Variants in SGCZ observed in about 807,000 individuals in gnomAD.
The protein encoded by SGCZ is zeta-sarcoglycan.
Under a neutral mutation model 41.3 loss-of-function variants are expected in SGCZ, and 40 were observed. That is an observed-to-expected ratio of 0.97 (90% CI 0.75 to 1.26). The LOEUF (loss-of-function observed/expected upper bound fraction) is 1.26, where lower values mean the gene tolerates loss of function less well. Among genes scored for constraint, SGCZ ranks in the 50% most tolerant of loss-of-function variants. SGCZ has a pLI of 0.00. For missense variants in SGCZ, 552 were observed against 369.8 expected (o/e 1.49, Z -4.04); for synonymous variants, 206 against 137.5 (o/e 1.50, Z -3.49).
At chr8:14,288,658 T>G (rs985584704) in intron 3 of SGCZ, among the ~76,000 whole-genome samples, 3 of 152,176 alleles carry the variant, frequency 2.0e-5, no homozygotes, top group Admixed American at 2.0e-4. Context: ...TTATATGGAT[T>G]TACCATATTT....
At chr8:14,442,403 T>C (rs895284078) in intron 2 of SGCZ, among the ~76,000 whole-genome samples, 1 of 152,228 alleles carries the variant, frequency 6.6e-6, no homozygotes, top group African/African-American at 2.4e-5. Context: ...TGAAGCCTCT[T>C]CAGCCATGTG....
At chr8:14,513,851 A>G (rs1585617007) in intron 2 of SGCZ, among the ~76,000 whole-genome samples, 1 of 152,048 alleles carries the variant, frequency 6.6e-6, no homozygotes, top group African/African-American at 2.4e-5. Flanking sequence ...CCTAAAAGAC[A>G]TTTGTAACTA....
At chr8:14,513,747 T>G (rs976612947) in intron 2 of SGCZ, among the ~76,000 whole-genome samples, 11 of 152,116 alleles carry the variant, frequency 7.2e-5, no homozygotes, top group Non-Finnish European at 1.6e-4. Flanking sequence ...GGCTTTTTCT[T>G]CTTGTTTGGC....
At chr8:14,897,027 C>G (rs908465262) in intron 1 of SGCZ, among the ~76,000 whole-genome samples, 8 of 152,070 alleles carry the variant, frequency 5.3e-5, no homozygotes, top group East Asian at 3.9e-4. Context: ...CATGATTCAC[C>G]TGCCTCAGCC....
intron 1 of SGCZ, among the ~76,000 whole-genome samples, chr8:15,094,470 G>C (rs1017396491): frequency 1.3e-5 from 2 of 152,124 alleles, no homozygotes; most frequent in African/African-American, 4.8e-5. Context: ...AGTGTCTGAG[G>C]ACACATATGA....
chr8:14,630,583 T>C (rs902973960), intron 1 of SGCZ, among the ~76,000 whole-genome samples: 2 of 152,066 alleles, frequency 1.3e-5, no homozygotes, highest in Non-Finnish European at 1.5e-5. Context: ...GTATGTTTAT[T>C]GCGGCACTAT....
chr8:15,208,504 G>T (rs944910899), intron 1 of SGCZ, among the ~76,000 whole-genome samples: 1 of 152,174 alleles, frequency 6.6e-6, no homozygotes, highest in African/African-American at 2.4e-5. Flanking sequence ...CCCAAACACA[G>T]TATTACAAAA....
intron 1 of SGCZ, among the ~76,000 whole-genome samples, chr8:14,945,835 T>C (rs1009027484): frequency 6.6e-6 from 1 of 150,502 alleles, no homozygotes; most frequent in Admixed American, 6.6e-5. Flanking sequence ...CCCCCTCAGG[T>C]TCTCACACCT....
In SGCZ at chr8:14,618,696, T is replaced by G. The variant is rs79142388; in HGVS notation, c.40-63770A>C. 5.4e-3 allele frequency among the ~76,000 whole-genome samples: 819 copies of G among 152,224 alleles called. 8 individuals are homozygous for G. The highest frequency in any genetic ancestry group is 0.019 in the African/African-American group (774 of 41,534). Reference sequence around the variant, plus strand: ...GGAAGTTTTGTGTAGGAAGAATAAATAAGAGTCTGTTAAAGTAATTCAGGA... The same window carrying G: ...GGAAGTTTTGTGTAGGAAGAATAAAGAAGAGTCTGTTAAAGTAATTCAGGA... On this transcript the variant is annotated intron_variant, in intron 1 of 7. Coordinates refer to ENST00000382080, the MANE Select transcript of SGCZ (RefSeq NM_139167.4).
At chr8:14,278,658 G>T (rs1800315974) in intron 3 of SGCZ, among the ~76,000 whole-genome samples, 1 of 151,980 alleles carries the variant, frequency 6.6e-6, no homozygotes, top group Non-Finnish European at 1.5e-5. Context: ...TATATATTCT[G>T]CCAATGAAAT....
chr8:15,019,392 C>A (rs1803165883), intron 1 of SGCZ, among the ~76,000 whole-genome samples: 1 of 152,140 alleles, frequency 6.6e-6, no homozygotes, highest in South Asian at 2.1e-4. Context: ...GAAGTTAGAG[C>A]TGCTTAATGA....
At chr8:14,859,097 C>A (rs991178703) in intron 1 of SGCZ, among the ~76,000 whole-genome samples, 2 of 152,164 alleles carry the variant, frequency 1.3e-5, no homozygotes, top group African/African-American at 2.4e-5. Context: ...ACATCCCAAA[C>A]AATGCCAGAA....
chr8:14,189,049 G>A (rs1301997922), intron 4 of SGCZ, among the ~76,000 whole-genome samples: 2 of 147,908 alleles, frequency 1.4e-5, no homozygotes, highest in East Asian at 2.0e-4. Flanking sequence ...AGTAGAGATG[G>A]GGTTTTACTA....
intron 1 of SGCZ, among the ~76,000 whole-genome samples, chr8:14,814,053 C>CT (rs1181904234): frequency 1.3e-5 from 2 of 152,040 alleles, no homozygotes; most frequent in Non-Finnish European, 2.9e-5. Context: ...GTATGCAGCA[C>CT]TTAATAGACA....
intron 1 of SGCZ, among the ~76,000 whole-genome samples, chr8:15,029,276 A>C (rs1769232310): frequency 6.6e-6 from 1 of 152,130 alleles, no homozygotes; most frequent in African/African-American, 2.4e-5. Context: ...GAAAGCACTT[A>C]GAATTAGCAG....
chr8:14,340,363 G>T (rs910527249), intron 2 of SGCZ, among the ~76,000 whole-genome samples: 3 of 152,034 alleles, frequency 2.0e-5, no homozygotes, highest in African/African-American at 7.2e-5. Flanking sequence ...CAGTTTTATT[G>T]TTTTACAAGC....
chr8:14,294,365 G>A (rs1457413140), intron 3 of SGCZ, among the ~76,000 whole-genome samples: 1 of 151,720 alleles, frequency 6.6e-6, no homozygotes, highest in Admixed American at 6.6e-5. Context: ...GACCATCTAA[G>A]AGTTGGAATT....
At chr8:14,326,869 G>C (rs1474875465) in intron 2 of SGCZ, among the ~76,000 whole-genome samples, 6 of 152,120 alleles carry the variant, frequency 3.9e-5, no homozygotes, top group African/African-American at 1.4e-4. Context: ...AATAAGTGTG[G>C]TTTTGCAGCA....
intron 1 of SGCZ, among the ~76,000 whole-genome samples, chr8:15,092,328 C>T (rs1355877610): frequency 6.6e-6 from 1 of 152,106 alleles, no homozygotes; most frequent in Non-Finnish European, 1.5e-5. Context: ...CTTAGAACTC[C>T]ATAATTAATA....
Sources: allele counts gnomAD v4.1 joint callset (sites outside exome capture counted in the v4.1 genomes callset), GRCh38; gene constraint gnomAD v4.1.1; transcripts MANE v1.5; gene names NCBI Gene and HGNC (gene_info 2026-07-23, HGNC 2026-07-21).